Variants in ABCA12 observed in about 807,000 individuals in gnomAD.
ABCA12 encodes the protein glucosylceramide transporter ABCA12.
A neutral mutation model predicts 293.5 loss-of-function variants in ABCA12; 156 were observed. The observed-to-expected ratio is 0.53, with a 90% CI of 0.47 to 0.61. The LOEUF (loss-of-function observed/expected upper bound fraction) is 0.61. Ranked by LOEUF, ABCA12 falls within the 20% of genes least tolerant of loss-of-function variation. The pLI is 0.00. For missense variants in ABCA12, 2,797 were observed against 3,090.2 expected (o/e 0.91, Z 2.25); for synonymous variants, 1,063 against 1,108.0 (o/e 0.96, Z 0.81).
intron 4 of ABCA12, among the ~76,000 whole-genome samples, chr2:215,053,662 C>A (rs1391919428): frequency 2.0e-5 from 3 of 151,928 alleles, no homozygotes; most frequent in Admixed American, 6.6e-5. Flanking sequence ...CATCAACTTG[C>A]ATTGGAATGT....
At chr2:214,947,046 T>G (rs1394723446) in intron 48 of ABCA12, among the ~76,000 whole-genome samples, 1 of 152,094 alleles carries the variant, frequency 6.6e-6, no homozygotes, top group Non-Finnish European at 1.5e-5. Flanking sequence ...GTTTACCTAC[T>G]CAGTTCCTAA....
chr2:215,048,423 A>C (rs959256095), intron 6 of ABCA12, among the ~76,000 whole-genome samples: 2 of 151,964 alleles, frequency 1.3e-5, no homozygotes, highest in Admixed American at 6.6e-5. Context: ...CAGCCGGTGC[A>C]GTGGCTCACG....
At chr2:215,000,651 G>T in intron 22 of ABCA12, 54 bp downstream of exon 22, 1 of 1,595,572 alleles carries the variant, frequency 6.3e-7, no homozygotes, top group South Asian at 1.1e-5. Context: ...GGACTGAAGT[G>T]AGTTCTCAGA....
intron 26 of ABCA12, among the ~76,000 whole-genome samples, chr2:214,988,383 C>T (rs1699833516): frequency 1.3e-5 from 2 of 152,168 alleles, no homozygotes; most frequent in Non-Finnish European, 1.5e-5. Context: ...ATTTCTATAA[C>T]TCAAAAAATT....
rs1698456404 is a variant in ABCA12, at chr2:214,943,018, CTAA to C, written c.7344-4_7344-2del. 1 of 1,612,224 alleles carries C rather than the reference CTAA, an allele frequency of 6.2e-7. No homozygotes were observed. Among genetic ancestry groups the C allele is most frequent in the Non-Finnish European group, 8.5e-7 (1 of 1,179,256 alleles). On this transcript the variant is annotated splice_acceptor_variant and splice_polypyrimidine_tract_variant and intron_variant, in intron 49 of 52. Coordinates refer to ENST00000272895, the MANE Select transcript of ABCA12 (RefSeq NM_173076.3). LOFTEE classifies it high-confidence loss of function. ...ACAGAGAGCTTCACATTCTTCCATG[CTAA>C]AAGACAAAGCAGGATCATATTAGCA...
chr2:215,104,132 A>G (rs1014557040), intron 2 of ABCA12, among the ~76,000 whole-genome samples: 4 of 152,186 alleles, frequency 2.6e-5, no homozygotes, highest in African/African-American at 7.2e-5. Flanking sequence ...AAAAGGAGTA[A>G]AAACCAGAAG....
At chr2:214,977,880 CTTTTTTTTT>C (rs55902726) in intron 33 of ABCA12, among the ~76,000 whole-genome samples, 2 of 140,264 alleles carry the variant, frequency 1.4e-5, no homozygotes, top group African/African-American at 5.2e-5. Context: ...CTTTTTTTTC[CTTTTTTTTT>C]TTTTTCCTTT....
At chr2:215,052,798 CTTG>C in intron 4 of ABCA12, among the ~76,000 whole-genome samples, 4 of 152,152 alleles carry the variant, frequency 2.6e-5, no homozygotes, top group Admixed American at 2.6e-4. Flanking sequence ...TTGGTCTGTT[CTTG>C]TTGTTTATCC....
At chr2:214,971,129 A>AT (rs1317517155) in intron 36 of ABCA12, among the ~76,000 whole-genome samples, 1 of 152,110 alleles carries the variant, frequency 6.6e-6, no homozygotes, top group African/African-American at 2.4e-5. Flanking sequence ...TTTTCAGTGT[A>AT]GCTTCTCATG....
rs930278752 is a variant in ABCA12, at chr2:215,138,405, G to C, written c.-197C>G. The C allele has an allele frequency of 1.3e-5, 8 of 624,048 alleles. No individual in the cohort carries two copies. The highest frequency in any genetic ancestry group is 2.6e-5 in the Admixed American group (1 of 39,158). 38.7% of individuals were successfully genotyped at this position (624,048 alleles called of 1,614,324 possible). A position where few individuals can be genotyped will look rare whatever the true frequency, so the allele number is the denominator to read the frequency against. The stretch of plus-strand genomic sequence containing the variant: ...TTCCCTGTGGTTAATCCTTAACCAA[G>C]AGGCACTTCTCAATCAACTCTTCTT... On this transcript the variant is annotated 5_prime_UTR_variant, in exon 1 of 53. Coordinates refer to ENST00000272895, the MANE Select transcript of ABCA12 (RefSeq NM_173076.3).
chr2:215,046,627 A>G (rs955920484), intron 6 of ABCA12, among the ~76,000 whole-genome samples: 1 of 147,494 alleles, frequency 6.8e-6, no homozygotes, highest in East Asian at 1.9e-4. Flanking sequence ...TCTATTCTAC[A>G]TGACTGCCAA....
chr2:215,007,950 C>G, intron 18 of ABCA12, 104 bp from the exon 19 acceptor site: 1 of 1,445,742 alleles, frequency 6.9e-7, no homozygotes, highest in Non-Finnish European at 9.5e-7. Context: ...AAAGACAGTT[C>G]TAAAACATGA....
intron 36 of ABCA12, among the ~76,000 whole-genome samples, chr2:214,972,223 A>G (rs1481521067): frequency 6.6e-6 from 1 of 152,064 alleles, no homozygotes; most frequent in African/African-American, 2.4e-5. Flanking sequence ...TGATGTATAT[A>G]CAGTATAATT....
intron 3 of ABCA12, among the ~76,000 whole-genome samples, chr2:215,060,564 T>A (rs1211924092): frequency 2.6e-5 from 4 of 152,056 alleles, no homozygotes; most frequent in Admixed American, 2.0e-4. Flanking sequence ...AGAGGAAAGT[T>A]TAAAACTCTT....
chr2:214,934,203 T>C lies in ABCA12; in HGVS notation c.7555A>G (p.Ser2519Gly), dbSNP rs1698150351. The C allele has an allele frequency of 1.2e-6, 2 of 1,613,726 alleles. No homozygotes were observed. The highest frequency in any genetic ancestry group is 2.2e-5 in the South Asian group (2 of 91,078). The stretch of plus-strand genomic sequence containing the variant: ...ACTGGTACATGATACTCTAGCATGC[T>C]GAGGTGCTGATCCTGTGGGAACCAA... ...PKTYLKDQHL[S>G]MLEYHVPVTA... The change falls in exon 52 of 53, where the codon AGC becomes GGC. Residue 2519 changes from serine (S) to glycine (G), a missense_variant. By Grantham distance (56) the Ser-to-Gly change is moderately conservative (BLOSUM62 0). Transcript: ENST00000272895.
intron 44 of ABCA12, among the ~76,000 whole-genome samples, chr2:214,952,214 T>A (rs2105929241): frequency 8.4e-6 from 1 of 118,812 alleles, no homozygotes; most frequent in Non-Finnish European, 1.6e-5. Flanking sequence ...AAATGCCTTT[T>A]TTTTGTTGTT....
chr2:214,974,003 G>A lies in ABCA12; in HGVS notation c.5508C>T (p.Thr1836=). 1.2e-6 allele frequency: 2 copies of A among 1,613,982 alleles called. No homozygotes were observed. The highest frequency in any genetic ancestry group is 2.2e-5 in the South Asian group (2 of 91,070). Residue 1836 remains threonine (T), a synonymous_variant, in exon 36 of 53, where the codon ACC becomes ACT. Transcript: ENST00000272895. The stretch of plus-strand genomic sequence containing the variant: ...CAAAATTAGTGATGGGTTCTCCACT[G>A]GTGTTCCATTTTTCCAGACTGTCTT... ...LNKDSLEKWN[T]SGEPITNFGV...
chr2:215,004,284 G>C lies in ABCA12; in HGVS notation c.2608C>G (p.Pro870Ala), dbSNP rs946651911. Residue 870 changes from proline (P) to alanine (A), a missense_variant, in exon 20 of 53, where the codon CCT becomes GCT. Transcript: ENST00000272895. ...IPMLQNTLRN[P>A]FVQVFVKFSV... ...AACTTTACAAAAACTTGCACAAAAG[G>C]GTTCCTTAGAGTATTCTAACAAATA... 5 of 1,612,530 alleles carry C rather than the reference G, an allele frequency of 3.1e-6. No individual in the cohort carries two copies. The highest frequency in any genetic ancestry group is 3.4e-6 in the Non-Finnish European group (4 of 1,179,232).
chr2:214,990,605 A>G, intron 24 of ABCA12, 97 bp downstream of exon 24: 1 of 1,275,344 alleles, frequency 7.8e-7, no homozygotes, highest in Non-Finnish European at 1.1e-6. Context: ...ATTTCAAATT[A>G]AGATAAGTGA....
Sources: gnomAD v4.1 joint callset for allele counts (sites outside exome capture counted in the v4.1 genomes callset) on GRCh38, gnomAD v4.1.1 for gene constraint, MANE v1.5 for transcripts, NCBI Gene and HGNC (gene_info 2026-07-23, HGNC 2026-07-21) for gene names.